WDPCP: variants seen among roughly 807,000 people sequenced by gnomAD.
WDPCP encodes WD repeat-containing and planar cell polarity effector protein fritz homolog.
In WDPCP, 71 loss-of-function variants were observed where a neutral mutation model predicts 93.1. That is an observed-to-expected ratio of 0.76 (90% confidence interval 0.63 to 0.93). WDPCP has a LOEUF of 0.93. Ranked by LOEUF, WDPCP falls within the 40% of genes least tolerant of loss-of-function variation. The pLI is 0.00. For missense variants in WDPCP, 844 were observed against 887.4 expected (o/e 0.95, Z 0.62); for synonymous variants, 315 against 315.0 (o/e 1.00, Z 0.00).
At chr2:63,164,795 A>C (rs1035072410) in intron 15 of WDPCP, among the ~76,000 whole-genome samples, 1 of 152,196 alleles carries the variant, frequency 6.6e-6, no homozygotes, top group Non-Finnish European at 1.5e-5. Flanking sequence ...GCAATACAGG[A>C]GCAAAGTTTT....
chr2:63,131,019 C>G (rs1670257754), intron 17 of WDPCP, among the ~76,000 whole-genome samples: 1 of 152,086 alleles, frequency 6.6e-6, no homozygotes, highest in Admixed American at 6.6e-5. Flanking sequence ...CCCCTGCTCT[C>G]CTGTGGTAAC....
chr2:63,175,350 G>A (rs1469368014), intron 14 of WDPCP, among the ~76,000 whole-genome samples: 2 of 151,932 alleles, frequency 1.3e-5, no homozygotes, highest in African/African-American at 4.8e-5. Flanking sequence ...GTTTAAAAAT[G>A]TTGTTTGAAA....
chr2:63,628,582 C>G (rs897706057), intron 3 of WDPCP, among the ~76,000 whole-genome samples: 2 of 152,108 alleles, frequency 1.3e-5, no homozygotes, highest in African/African-American at 4.8e-5. Context: ...GAAAATTTTT[C>G]AAGCTTCTGT....
chr2:63,162,032 A>C (rs1239495841), intron 15 of WDPCP, among the ~76,000 whole-genome samples: 3 of 152,104 alleles, frequency 2.0e-5, no homozygotes, highest in Non-Finnish European at 4.4e-5. Flanking sequence ...AGCATCCCAA[A>C]ATGCTGGGAT....
At chr2:63,673,636 A>G (rs957102437) in intron 2 of WDPCP, among the ~76,000 whole-genome samples, 6 of 152,148 alleles carry the variant, frequency 3.9e-5, no homozygotes, top group African/African-American at 1.4e-4. Flanking sequence ...GCACATCTCC[A>G]TGCCCCTGCC....
At chr2:63,416,881 T>C (rs956537802) in intron 9 of WDPCP, among the ~76,000 whole-genome samples, 3 of 152,216 alleles carry the variant, frequency 2.0e-5, no homozygotes, top group African/African-American at 7.2e-5. Context: ...AATTCCAAGT[T>C]GGACCTGACC....
At chr2:63,396,723 A>G (rs995239168) in intron 10 of WDPCP, among the ~76,000 whole-genome samples, 1 of 151,932 alleles carries the variant, frequency 6.6e-6, no homozygotes, top group African/African-American at 2.4e-5. Context: ...AGGTAAACTC[A>G]TATCATGGGG....
At chr2:63,670,541 G>A (rs986781823) in intron 2 of WDPCP, among the ~76,000 whole-genome samples, 17 of 152,158 alleles carry the variant, frequency 1.1e-4, no homozygotes, top group African/African-American at 3.9e-4. Flanking sequence ...ATTACAGACA[G>A]AGCAAAATAG....
At chr2:63,124,076 A>G (rs1224349533) in intron 17 of WDPCP, among the ~76,000 whole-genome samples, 2 of 148,816 alleles carry the variant, frequency 1.3e-5, no homozygotes, top group African/African-American at 4.9e-5. Context: ...AAATAACCCT[A>G]TGATAGATAG....
intron 2 of WDPCP, among the ~76,000 whole-genome samples, chr2:63,678,481 G>A (rs1710450780): frequency 6.6e-6 from 1 of 152,142 alleles, no homozygotes; most frequent in East Asian, 1.9e-4. Context: ...AAGGGAATGG[G>A]GCAGGGAATT....
At chr2:63,838,013 G>C in the WDPCP span, among the ~76,000 whole-genome samples, 3 of 151,964 alleles carry the variant, frequency 2.0e-5, no homozygotes, top group Non-Finnish European at 2.9e-5. Flanking sequence ...GGAGAATCCA[G>C]CTACTCAGGA....
At chr2:63,354,261 T>C (rs2104584304) in intron 12 of WDPCP, among the ~76,000 whole-genome samples, 1 of 152,286 alleles carries the variant, frequency 6.6e-6, no homozygotes, top group Middle Eastern at 3.4e-3. Context: ...CTGATTGCAC[T>C]GAGTGATTGC....
chr2:63,569,110 G>A (rs867206974), intron 1 of WDPCP, among the ~76,000 whole-genome samples: 1 of 152,138 alleles, frequency 6.6e-6, no homozygotes, highest in Non-Finnish European at 1.5e-5. Context: ...AACAAATAAA[G>A]TATAAGGTAG....
At chr2:63,683,426 A>G (rs1405510539) in intron 2 of WDPCP, among the ~76,000 whole-genome samples, 1 of 152,248 alleles carries the variant, frequency 6.6e-6, no homozygotes, top group Non-Finnish European at 1.5e-5. Context: ...AATGGAAACC[A>G]AAAGAGAGCA....
At chr2:63,746,954 C>T (rs1669807116) in intron 2 of WDPCP, among the ~76,000 whole-genome samples, 1 of 151,970 alleles carries the variant, frequency 6.6e-6, no homozygotes, top group South Asian at 2.1e-4. Context: ...TTTTATGGCT[C>T]GGGGGCATCA....
intron 6 of WDPCP, among the ~76,000 whole-genome samples, chr2:63,480,783 C>A (rs1431040376): frequency 6.6e-6 from 1 of 152,104 alleles, no homozygotes; most frequent in Admixed American, 6.6e-5. Context: ...TATAAAAATT[C>A]TAGAAGATAA....
chr2:63,484,631 G>C lies in WDPCP; in HGVS notation c.357C>G (p.Ser119Arg). The change falls in exon 6 of 18, where the codon AGC becomes AGG. Residue 119 changes from serine to arginine, a missense_variant. Physicochemically the swap from Ser to Arg is moderately radical, Grantham distance 110. Coordinates refer to ENST00000272321, the MANE Select transcript of WDPCP (RefSeq NM_015910.7). ...ELMQNSRCVL[S>R]KWKNKYVCQL... is the part of the protein sequence containing the mutation. ...GACAGACATATTTGTTCTTCCATTT[G>C]CTCAGCACACACCGACTGTTTTGCA... 6 of 1,612,836 alleles carry C rather than the reference G, an allele frequency of 3.7e-6. No homozygotes were observed. The highest frequency in any genetic ancestry group is 5.1e-6 in the Non-Finnish European group (6 of 1,179,224).
At chr2:63,332,458 A>T (rs1688048432) in intron 12 of WDPCP, among the ~76,000 whole-genome samples, 1 of 152,096 alleles carries the variant, frequency 6.6e-6, no homozygotes, top group African/African-American at 2.4e-5. Context: ...TTCTTATTAT[A>T]TGTAAAACTT....
At chr2:63,279,757 A>G (rs537458833) in intron 13 of WDPCP, among the ~76,000 whole-genome samples, 1 of 152,348 alleles carries the variant, frequency 6.6e-6, no homozygotes, top group South Asian at 2.1e-4. Context: ...TGAATTCAGC[A>G]AGGTTTCAGG....
Sources: allele counts gnomAD v4.1 joint callset (sites outside exome capture counted in the v4.1 genomes callset), GRCh38; gene constraint gnomAD v4.1.1; transcripts MANE v1.5; gene names NCBI Gene and HGNC (gene_info 2026-07-23, HGNC 2026-07-21).